The following VPS53 variants were observed in gnomAD, a reference collection of about 807,000 sequenced individuals.
VPS53 encodes the protein vacuolar protein sorting-associated protein 53 homolog.
In VPS53, 70 loss-of-function variants were observed where a neutral mutation model predicts 107.0. That is an observed-to-expected ratio of 0.65 (90% CI 0.54 to 0.80). The LOEUF is 0.80. Ranked by LOEUF, VPS53 falls within the 30% of genes least tolerant of loss-of-function variation. VPS53 has a pLI of 0.00. For missense variants in VPS53, 917 were observed against 1,049.4 expected (o/e 0.87, Z 1.74); for synonymous variants, 409 against 393.3 (o/e 1.04, Z -0.47).
chr17:589,777 T>TAAAA (rs1967540994), intron 12 of VPS53, among the ~76,000 whole-genome samples: 1 of 152,188 alleles, frequency 6.6e-6, no homozygotes. Flanking sequence ...TTGGTTACTG[T>TAAAA]AGCCTTGTAG....
In VPS53 at chr17:628,194, C is replaced by T. The variant is rs1208778108; in HGVS notation, c.725G>A (p.Cys242Tyr). Residue 242 changes from cysteine (C) to tyrosine (Y), a missense_variant, in exon 9 of 22, where the codon TGT becomes TAT. Cys to Tyr is a radical substitution (Grantham distance 194). Transcript: ENST00000437048. ...GGPSNVLRDA[C>Y]LVANILDPRI... ...GGGATCTAGAATATTAGCAACCAGA[C>T]ATGCATCTCGTAGAACATTGCTGGG... 6.2e-7 allele frequency: 1 copy of T among 1,614,052 alleles called. No individual in the cohort carries two copies. The highest frequency in any genetic ancestry group is 8.5e-7 in the Non-Finnish European group (1 of 1,179,992).
rs957284309 is a variant in VPS53 at position 511,241 on chromosome 17, A to T, written c.*7887T>A. On this transcript the variant is annotated 3_prime_UTR_variant, in exon 22 of 22. Coordinates refer to ENST00000437048, the MANE Select transcript of VPS53 (RefSeq NM_001128159.3). ...CTTCCTTTTCCATCAGCGCAAGGCA[A>T]ACACATGAAGGGAGCTGGGGTTTCT... 7 of 152,206 alleles carry T rather than the reference A, an allele frequency of 4.6e-5. No individual in the cohort carries two copies. The highest frequency in any genetic ancestry group is 1.0e-4 in the Non-Finnish European group (7 of 68,062). 9.4% of individuals were successfully genotyped at this position (152,206 alleles called of 1,614,324 possible).
Position 623,567 on chromosome 17 carries a change from C to T in VPS53, c.1082G>A (p.Arg361His), listed in dbSNP as rs766032255. 5.3e-5 allele frequency: 86 copies of T among 1,613,538 alleles called. No homozygotes were observed. The highest frequency in any genetic ancestry group is 4.5e-5 in the East Asian group (2 of 44,880). ...ATCGGTCAGGGTGCAGCCGGAGAAG[C>T]GTTTTGCAAGAAACCCCTCAAAGTT... is the stretch of plus-strand genomic sequence containing the variant. ...TTNFEGFLAK[R>H]FSGCTLTDGT... Residue 361 changes from arginine to histidine, a missense_variant, in exon 11 of 22, where the codon CGC (arginine) becomes CAC (histidine). Transcript: ENST00000437048.
At chr17:545,102 C>G (rs959040169) in intron 17 of VPS53, among the ~76,000 whole-genome samples, 18 of 152,162 alleles carry the variant, frequency 1.2e-4, no homozygotes, top group African/African-American at 4.3e-4. Context: ...GAAAATAACA[C>G]TATGGGAAGG....
Position 552,186 on chromosome 17 carries a change from AGTATCCCT to A in VPS53, c.1788-244_1788-237del, listed in dbSNP as rs1419371016. Among the ~76,000 whole-genome samples, 6 of 152,322 alleles carry A rather than the reference AGTATCCCT, an allele frequency of 3.9e-5. No individual in the cohort carries two copies. The East Asian group carries it at 9.6e-4, about 24-fold the overall frequency. On this transcript the variant is annotated intron_variant, in intron 16 of 21. Transcript: ENST00000437048. ...GGTCAGTCTCCCTAATCACCACCCCAGTATCCCTGTTCACATCTTCCTCCCAAAGAACC... is the reference window on the plus strand; with the variant it reads ...GGTCAGTCTCCCTAATCACCACCCCAGTTCACATCTTCCTCCCAAAGAACC...
intron 5 of VPS53, among the ~76,000 whole-genome samples, chr17:658,010 GA>G (rs1480946991): frequency 8.9e-6 from 1 of 112,486 alleles, no homozygotes; most frequent in African/African-American, 3.5e-5. Flanking sequence ...ACTCGGCCGT[GA>G]GTTCGTGGAT....
intron 11 of VPS53, among the ~76,000 whole-genome samples, chr17:603,010 C>T (rs1356844264): frequency 1.3e-5 from 2 of 152,120 alleles, no homozygotes; most frequent in Non-Finnish European, 2.9e-5. Flanking sequence ...TTAGCCAATA[C>T]CAGTGGGTCA....
chr17:633,183 T>C (rs908539686), intron 7 of VPS53, among the ~76,000 whole-genome samples: 7 of 152,064 alleles, frequency 4.6e-5, no homozygotes, highest in Admixed American at 2.6e-4. Flanking sequence ...CGCCCCGCAA[T>C]GGATCAGGCC....
intron 7 of VPS53, among the ~76,000 whole-genome samples, chr17:631,958 T>C (rs1969982730): frequency 1.3e-5 from 2 of 152,122 alleles, no homozygotes; most frequent in Admixed American, 1.3e-4. Flanking sequence ...CCACATCAAA[T>C]ATAAATCTAG....
Position 562,766 on chromosome 17 carries a change from C to A in VPS53, c.1314-21G>T, listed in dbSNP as rs376807636. On this transcript the variant is annotated intron_variant, in intron 13 of 21. Transcript: ENST00000437048. The stretch of plus-strand genomic sequence containing the variant: ...GGTTCCTAGGAGGAAAAAAAAAAAC[C>A]AAAAATGTTATTTTACTTCAAGAAA... The A allele has an allele frequency of 8.2e-6, 13 of 1,583,840 alleles. No homozygotes were observed. The African/African-American group carries it at 1.2e-4, about 15-fold the overall frequency.
chr17:690,825 C>T (rs191267059), intron 4 of VPS53, among the ~76,000 whole-genome samples: 1 of 152,272 alleles, frequency 6.6e-6, no homozygotes, highest in Admixed American at 6.5e-5. Flanking sequence ...TGTCTAAAAT[C>T]GGTGGCCCTT....
chr17:550,062 A>G (rs1291042571), intron 17 of VPS53, among the ~76,000 whole-genome samples: 2 of 152,204 alleles, frequency 1.3e-5, no homozygotes, highest in Non-Finnish European at 2.9e-5. Flanking sequence ...GGGAACTAAC[A>G]TTTAATGAGC....
intron 12 of VPS53, chr17:599,897 G>A (rs1968247225): frequency 2.0e-5 from 3 of 152,258 alleles, no homozygotes; most frequent in Admixed American, 2.0e-4. Context: ...AAAACCATTA[G>A]CTCTCACTAA....
intron 7 of VPS53, 81 bp from the exon 8 acceptor site, chr17:631,709 T>C: frequency 7.3e-7 from 1 of 1,376,226 alleles, no homozygotes; most frequent in Non-Finnish European, 1.0e-6. Context: ...TCGGAAGGGC[T>C]GAAGTCTTTC....
At chr17:542,959 T>G (rs950334535) in intron 17 of VPS53, among the ~76,000 whole-genome samples, 2 of 144,568 alleles carry the variant, frequency 1.4e-5, no homozygotes, top group South Asian at 4.3e-4. Flanking sequence ...GCCTGCCGGA[T>G]AGAGCGAGAC....
intron 4 of VPS53, among the ~76,000 whole-genome samples, chr17:664,794 T>C (rs1008924980): frequency 2.6e-5 from 4 of 151,962 alleles, no homozygotes. Context: ...CGATTCAGGG[T>C]TTCCAGGAAG....
intron 2 of VPS53, among the ~76,000 whole-genome samples, chr17:703,751 G>A (rs997720549): frequency 2.6e-5 from 4 of 151,522 alleles, no homozygotes; most frequent in East Asian, 1.9e-4. Flanking sequence ...CTTCTACTAC[G>A]AAACTGTATA....
intron 12 of VPS53, among the ~76,000 whole-genome samples, chr17:592,973 G>A (rs1212783647): frequency 6.6e-6 from 1 of 152,084 alleles, no homozygotes; most frequent in Non-Finnish European, 1.5e-5. Flanking sequence ...ATAGATCAAT[G>A]GAACAGAACA....
At chr17:571,205 T>C (rs892858975) in intron 13 of VPS53, among the ~76,000 whole-genome samples, 2 of 120,954 alleles carry the variant, frequency 1.7e-5, no homozygotes, top group African/African-American at 6.7e-5. Context: ...TCAGTTACTC[T>C]AGAGGCTGAA....
Sources: allele counts gnomAD v4.1 joint callset (sites outside exome capture counted in the v4.1 genomes callset), GRCh38; gene constraint gnomAD v4.1.1; transcripts MANE v1.5; gene names NCBI Gene and HGNC (gene_info 2026-07-23, HGNC 2026-07-21).